Variants in LRRC8C observed in about 807,000 individuals in gnomAD.
LRRC8C encodes the protein leucine rich repeat containing 8 VRAC subunit C.
Under a neutral mutation model 55.3 loss-of-function variants are expected in LRRC8C, and 20 were observed. The ratio of observed to expected loss-of-function variants is 0.36; its 90% CI spans 0.25 to 0.53. LRRC8C has a LOEUF of 0.53. Ranked by LOEUF, LRRC8C falls within the 20% of genes least tolerant of loss-of-function variation. The pLI, the probability that LRRC8C is intolerant of heterozygous loss-of-function variation, is 0.92. For missense variants in LRRC8C, 659 were observed against 951.4 expected, an observed-to-expected ratio of 0.69 and a Z score of 4.04; for synonymous variants, 376 against 360.7, an observed-to-expected ratio of 1.04 and a Z score of -0.48.
At chr1:89,652,384 A>G (rs1216760723) in intron 1 of LRRC8C, among the ~76,000 whole-genome samples, 1 of 152,158 alleles carries the variant, frequency 6.6e-6, no homozygotes, top group Non-Finnish European at 1.5e-5. Context: ...CTGAAAAGAG[A>G]TAAGAGTTTA....
intron 1 of LRRC8C, among the ~76,000 whole-genome samples, chr1:89,682,233 T>C (rs528825888): frequency 2.0e-5 from 3 of 152,362 alleles, no homozygotes; most frequent in African/African-American, 7.2e-5. Context: ...CTTTGCCATC[T>C]TGACCAGCTG....
upstream of LRRC8C, chr1:89,632,715 C>T (rs550275986): frequency 2.1e-4 from 32 of 152,500 alleles, no homozygotes; most frequent in African/African-American, 7.7e-4. Context: ...CTGTGGTTTT[C>T]CGCGCATTGT....
At chr1:89,695,843 A>G (rs951363431) in intron 2 of LRRC8C, among the ~76,000 whole-genome samples, 6 of 152,192 alleles carry the variant, frequency 3.9e-5, no homozygotes, top group African/African-American at 4.8e-5. Context: ...GGTGAAACAC[A>G]TGGCTTTTCT....
chr1:89,659,057 T>TGTGTGTG (rs1166109211), intron 1 of LRRC8C, among the ~76,000 whole-genome samples: 18 of 81,616 alleles, frequency 2.2e-4, no homozygotes, highest in African/African-American at 8.7e-4. Context: ...GGTTTTTTTT[T>TGTGTGTG]TTTTTGTGTG....
chr1:89,663,055 G>A (rs1043495752), intron 1 of LRRC8C, among the ~76,000 whole-genome samples: 8 of 152,124 alleles, frequency 5.3e-5, no homozygotes, highest in Non-Finnish European at 1.0e-4. Context: ...TCCCACTTAT[G>A]AGTGAGAACA....
At chr1:89,638,967 A>ATTATTTTATTTTATT (rs11270989) in intron 1 of LRRC8C, among the ~76,000 whole-genome samples, 35,822 of 137,640 alleles carry the variant, frequency 0.26, 5,220 homozygotes, top group Admixed American at 0.31. Flanking sequence ...TATTTTACTT[A>ATTATTTTATTTTATT]TTATTTTATT....
At chr1:89,615,994 C>G in the LRRC8C span, among the ~76,000 whole-genome samples, 3 of 152,082 alleles carry the variant, frequency 2.0e-5, no homozygotes, top group Non-Finnish European at 2.9e-5. Flanking sequence ...CTGCTTGCAA[C>G]CCAGGTACCA....
intron 2 of LRRC8C, among the ~76,000 whole-genome samples, chr1:89,695,394 A>T (rs1318224110): frequency 1.3e-5 from 2 of 152,178 alleles, no homozygotes; most frequent in Non-Finnish European, 2.9e-5. Context: ...AAAGCTGGTG[A>T]GATTCTTTGC....
chr1:89,702,585 A>T (rs992948936), intron 2 of LRRC8C, among the ~76,000 whole-genome samples: 1 of 151,142 alleles, frequency 6.6e-6, no homozygotes, highest in Non-Finnish European at 1.5e-5. Flanking sequence ...AATAAAAATT[A>T]AAAAATAAAA....
intron 1 of LRRC8C, among the ~76,000 whole-genome samples, chr1:89,678,469 G>C (rs949046612): frequency 6.6e-6 from 1 of 152,208 alleles, no homozygotes; most frequent in Non-Finnish European, 1.5e-5. Context: ...GGGAGGCCAA[G>C]GCCGGTGGAT....
chr1:89,625,471 G>T, the LRRC8C span, among the ~76,000 whole-genome samples: 94 of 152,150 alleles, frequency 6.2e-4, no homozygotes, highest in Middle Eastern at 3.2e-3. Context: ...AGGGAAATCA[G>T]GCTTTGTTGT....
intron 1 of LRRC8C, among the ~76,000 whole-genome samples, chr1:89,665,617 C>T (rs1382552783): frequency 6.6e-6 from 1 of 152,088 alleles, no homozygotes; most frequent in African/African-American, 2.4e-5. Context: ...ATTATGAAAG[C>T]ATCAAAAAGT....
chr1:89,626,739 A>G, the LRRC8C span: 2 of 152,100 alleles, frequency 1.3e-5, no homozygotes. Context: ...GTATCAGTGG[A>G]GTTTTGGGGT....
At chr1:89,691,548 C>T (rs1166178195) in intron 2 of LRRC8C, among the ~76,000 whole-genome samples, 1 of 152,202 alleles carries the variant, frequency 6.6e-6, no homozygotes, top group Admixed American at 6.5e-5. Context: ...CATGGAGTAA[C>T]ACTGGCAAGA....
At chr1:89,693,646 C>CT (rs35427989) in intron 2 of LRRC8C, among the ~76,000 whole-genome samples, 1,417 of 82,734 alleles carry the variant, frequency 0.017, 201 homozygotes, top group African/African-American at 0.027. Flanking sequence ...TCTTTTCTTC[C>CT]TTTTTTTTTT....
intron 1 of LRRC8C, among the ~76,000 whole-genome samples, chr1:89,655,048 T>C (rs1570698638): frequency 6.6e-6 from 1 of 151,988 alleles, no homozygotes; most frequent in East Asian, 1.9e-4. Context: ...TGTCCTACAG[T>C]TTGGGAAATT....
chr1:89,627,270 A>T, the LRRC8C span, among the ~76,000 whole-genome samples: 8 of 150,728 alleles, frequency 5.3e-5, no homozygotes, highest in East Asian at 1.9e-4. Context: ...GACAATGACC[A>T]ATATATATAT....
intron 2 of LRRC8C, among the ~76,000 whole-genome samples, chr1:89,688,856 G>C (rs1657951684): frequency 6.6e-6 from 1 of 152,198 alleles, no homozygotes; most frequent in South Asian, 2.1e-4. Flanking sequence ...GGACTTCTGT[G>C]ACTGTAGTGA....
chr1:89,636,180 A>T (rs1015675784), intron 1 of LRRC8C, among the ~76,000 whole-genome samples: 2 of 152,170 alleles, frequency 1.3e-5, no homozygotes, highest in Admixed American at 6.5e-5. Flanking sequence ...CACTGTGCAG[A>T]TTACTTGTAA....
Sources: allele counts gnomAD v4.1 joint callset (sites outside exome capture counted in the v4.1 genomes callset), GRCh38; gene constraint gnomAD v4.1.1; transcripts MANE v1.5; gene names NCBI Gene and HGNC (gene_info 2026-07-23, HGNC 2026-07-21).